BCKDHB: variants seen among roughly 807,000 people sequenced by gnomAD.
BCKDHB encodes 2-oxoisovalerate dehydrogenase subunit beta, mitochondrial.
In BCKDHB, 41 loss-of-function variants were observed where a neutral mutation model predicts 48.5. The ratio of observed to expected loss-of-function variants is 0.85; its 90% CI spans 0.66 to 1.10. The LOEUF is 1.10. Ranked by LOEUF, BCKDHB falls within the 50% of genes least tolerant of loss-of-function variation. The pLI is 0.00. For synonymous variants in BCKDHB, 201 were observed against 174.8 expected (o/e 1.15, Z -1.18); for missense variants, 496 against 494.2 (o/e 1.00, Z -0.03).
intron 8 of BCKDHB, among the ~76,000 whole-genome samples, chr6:80,219,320 C>T (rs1775308934): frequency 6.6e-6 from 1 of 151,994 alleles, no homozygotes; most frequent in Admixed American, 6.6e-5. Flanking sequence ...TATTCTCCTG[C>T]CTCAGACTCC....
At chr6:80,297,837 C>A (rs1453724899) in intron 9 of BCKDHB, among the ~76,000 whole-genome samples, 1 of 152,184 alleles carries the variant, frequency 6.6e-6, no homozygotes, top group Non-Finnish European at 1.5e-5. Context: ...AAAGCTCTCT[C>A]ATAATGTGAA....
the BCKDHB span, among the ~76,000 whole-genome samples, chr6:80,459,676 A>G: frequency 3.9e-5 from 6 of 152,254 alleles, no homozygotes; most frequent in African/African-American, 1.4e-4. Flanking sequence ...AATTAAATAG[A>G]AGTATTTGGT....
rs139709148 is a variant in BCKDHB at position 80,141,786 on chromosome 6, A to G, written c.343+12557A>G. Reference sequence around the variant, plus strand: ...TTTTATTAAGAACAATATGTATTAGAAAAGTAAAAGATCTTTGTTTTATAT... The same window carrying G: ...TTTTATTAAGAACAATATGTATTAGGAAAGTAAAAGATCTTTGTTTTATAT... On this transcript the variant is annotated intron_variant, in intron 3 of 9. Coordinates refer to ENST00000320393, the MANE Select transcript of BCKDHB (RefSeq NM_183050.4). Among the ~76,000 whole-genome samples, 264 of 152,236 alleles carry G rather than the reference A, an allele frequency of 1.7e-3. 1 individual carries two copies. Among genetic ancestry groups the G allele is most frequent in the African/African-American group, 6.0e-3 (250 of 41,560 alleles).
At chr6:80,262,720 C>T (rs958108355) in intron 8 of BCKDHB, among the ~76,000 whole-genome samples, 4 of 151,990 alleles carry the variant, frequency 2.6e-5, no homozygotes, top group Non-Finnish European at 4.4e-5. Flanking sequence ...GGTATTTTCT[C>T]TTTTATAATA....
chr6:80,163,987 TTG>T (rs1223057847), intron 3 of BCKDHB, among the ~76,000 whole-genome samples: 1 of 152,240 alleles, frequency 6.6e-6, no homozygotes, highest in Non-Finnish European at 1.5e-5. Flanking sequence ...ACTGGGATTA[TTG>T]CAGTAGCAGA....
intron 8 of BCKDHB, among the ~76,000 whole-genome samples, chr6:80,265,341 A>T (rs12215236): frequency 0.38 from 57,108 of 151,962 alleles, 12,310 homozygotes; most frequent in East Asian, 0.56. Context: ...ACAAAATGTG[A>T]TATATACATA....
intron 6 of BCKDHB, among the ~76,000 whole-genome samples, chr6:80,198,686 A>G (rs144712941): frequency 6.6e-6 from 1 of 152,226 alleles, no homozygotes; most frequent in African/African-American, 2.4e-5. Flanking sequence ...ATTGTAGAAG[A>G]GTTCTGAACA....
chr6:80,182,856 A>C (rs1467246789), intron 6 of BCKDHB, among the ~76,000 whole-genome samples: 1 of 152,118 alleles, frequency 6.6e-6, no homozygotes, highest in East Asian at 1.9e-4. Flanking sequence ...ATATTGTATA[A>C]CTTGCTTTTT....
intron 6 of BCKDHB, among the ~76,000 whole-genome samples, chr6:80,181,493 G>A (rs144299219): frequency 2.6e-4 from 40 of 152,218 alleles, no homozygotes; most frequent in African/African-American, 6.7e-4. Flanking sequence ...CATTTAGGCC[G>A]GTCACAGCTC....
the BCKDHB span, among the ~76,000 whole-genome samples, chr6:80,452,506 AG>A: frequency 6.6e-6 from 1 of 152,238 alleles, no homozygotes; most frequent in Non-Finnish European, 1.5e-5. Flanking sequence ...CAGAGCTTAA[AG>A]GAGAAAAAAA....
At chr6:80,431,669 G>T in the BCKDHB span, among the ~76,000 whole-genome samples, 1 of 152,006 alleles carries the variant, frequency 6.6e-6, no homozygotes, top group African/African-American at 2.4e-5. Context: ...CTTTCCATTT[G>T]CCTGGTAAAT....
chr6:80,294,115 AG>A (rs1650529751), intron 9 of BCKDHB, among the ~76,000 whole-genome samples: 1 of 152,314 alleles, frequency 6.6e-6, no homozygotes, highest in Admixed American at 6.5e-5. Flanking sequence ...ATTTTCACAT[AG>A]CATCTCACTT....
the BCKDHB span, among the ~76,000 whole-genome samples, chr6:80,358,464 G>A: frequency 3.3e-5 from 5 of 152,030 alleles, 1 homozygote; most frequent in South Asian, 2.1e-4. Flanking sequence ...GGTGATTGTC[G>A]ATTGTTTTTA....
At chr6:80,381,956 C>T in the BCKDHB span, among the ~76,000 whole-genome samples, 1 of 151,984 alleles carries the variant, frequency 6.6e-6, no homozygotes, top group Non-Finnish European at 1.5e-5. Flanking sequence ...AAGTTTTCTA[C>T]ATGTCATTTG....
chr6:80,215,239 G>A (rs77082931), intron 8 of BCKDHB, among the ~76,000 whole-genome samples: 5,428 of 152,300 alleles, frequency 0.036, 308 homozygotes, highest in African/African-American at 0.12. Flanking sequence ...GATGAGAATA[G>A]TTTGTTTCTC....
chr6:80,135,382 A>G (rs1019038317), intron 3 of BCKDHB, among the ~76,000 whole-genome samples: 1 of 152,146 alleles, frequency 6.6e-6, no homozygotes, highest in African/African-American at 2.4e-5. Context: ...TGAAGTATAC[A>G]TATTTATGAC....
At chr6:80,159,179 A>G (rs1772195459) in intron 3 of BCKDHB, among the ~76,000 whole-genome samples, 1 of 152,188 alleles carries the variant, frequency 6.6e-6, no homozygotes. Context: ...CTTAGGAGAA[A>G]TACCTAATGT....
At chr6:80,430,385 G>A in the BCKDHB span, among the ~76,000 whole-genome samples, 1 of 152,186 alleles carries the variant, frequency 6.6e-6, no homozygotes, top group Non-Finnish European at 1.5e-5. Context: ...CAGAAAATGA[G>A]TTATGGAGGA....
At chr6:80,231,658 A>T (rs943975484) in intron 8 of BCKDHB, among the ~76,000 whole-genome samples, 1 of 152,214 alleles carries the variant, frequency 6.6e-6, no homozygotes, top group African/African-American at 2.4e-5. Flanking sequence ...ATCAAATCAT[A>T]CAAATAAAGT....
Sources: gnomAD v4.1 joint callset for allele counts (sites outside exome capture counted in the v4.1 genomes callset) on GRCh38, gnomAD v4.1.1 for gene constraint, MANE v1.5 for transcripts, NCBI Gene and HGNC (gene_info 2026-07-23, HGNC 2026-07-21) for gene names.